ERMP1: variants seen among roughly 807,000 people sequenced by gnomAD.
ERMP1 encodes the protein endoplasmic reticulum metallopeptidase 1, also known as Felix-ina.
ERMP1 carries 86 observed loss-of-function variants against 92.0 expected under a neutral mutation model. That is an observed-to-expected ratio of 0.93 (90% CI 0.79 to 1.12). ERMP1 has a LOEUF of 1.12. ERMP1 is among the 50% of genes most tolerant of loss of function. The pLI, the probability that ERMP1 is intolerant of heterozygous loss-of-function variation, is 0.00. For synonymous variants in ERMP1, 530 were observed against 412.8 expected (o/e 1.28, Z -3.44); for missense variants, 1,342 against 1,116.3 (o/e 1.20, Z -2.88).
In ERMP1 at chr9:5,787,587, C is replaced by G; in HGVS notation, c.2393G>C (p.Ser798Thr). Residue 798 changes from serine (S) to threonine (T), a missense_variant, in exon 14 of 15, where the codon AGC becomes ACC. By Grantham distance (58) the Ser-to-Thr change is moderately conservative (BLOSUM62 1). Transcript: ENST00000339450. ...GGCTCGAACATAGAAGGACATATGG[C>G]TTGGTCCTGTAAGGTAAAAGGAAGA... is the stretch of plus-strand genomic sequence containing the variant. ...IKLTFEATGP[S>T]HMSFYVRAHK... The G allele has an allele frequency of 6.2e-7, 1 of 1,610,388 alleles. No individual in the cohort carries two copies. The highest frequency in any genetic ancestry group is 1.7e-4 in the Middle Eastern group (1 of 6,004).
chr9:5,800,722 C>G (rs1828637688), intron 11 of ERMP1, among the ~76,000 whole-genome samples: 1 of 152,004 alleles, frequency 6.6e-6, no homozygotes, highest in Non-Finnish European at 1.5e-5. Flanking sequence ...TTTATTAAAC[C>G]CTTTCTAAGT....
At chr9:5,862,635 CT>C (rs1191172673) in intron 5 of ERMP1, among the ~76,000 whole-genome samples, 3 of 152,216 alleles carry the variant, frequency 2.0e-5, no homozygotes, top group Non-Finnish European at 4.4e-5. Flanking sequence ...GCATGAGCCA[CT>C]GTGTCAGGCT....
chr9:5,850,375 A>T (rs58029167), intron 6 of ERMP1, among the ~76,000 whole-genome samples: 1 of 129,088 alleles, frequency 7.7e-6, no homozygotes, highest in African/African-American at 3.0e-5. Context: ...ATTGCACTCC[A>T]GCCTGGGCGA....
chr9:5,821,312 T>C (rs1396918079), intron 4 of ERMP1, among the ~76,000 whole-genome samples: 4 of 152,220 alleles, frequency 2.6e-5, no homozygotes, highest in Admixed American at 2.6e-4. Context: ...TTTAACCTAG[T>C]CCTCCATTCC....
chr9:5,860,771 AC>A (rs921173688), intron 5 of ERMP1, among the ~76,000 whole-genome samples: 7 of 151,630 alleles, frequency 4.6e-5, no homozygotes, highest in Admixed American at 3.3e-4. Context: ...AACTGTAGAG[AC>A]AGTCTCCCTG....
rs77278182 is a variant in ERMP1, at chr9:5,811,814, G to A, written c.1114+311C>T. ...TGTCACACATGTGTTAAAAATTGAGGAGAGCTAGCAGAGTTCCACAGGAAA... is the reference window on the plus strand; with the variant it reads ...TGTCACACATGTGTTAAAAATTGAGAAGAGCTAGCAGAGTTCCACAGGAAA... On this transcript the variant is annotated intron_variant, in intron 6 of 14. Coordinates refer to ENST00000339450, the MANE Select transcript of ERMP1 (RefSeq NM_024896.3). Among the ~76,000 whole-genome samples the A allele has an allele frequency of 6.9e-3, 1,047 of 152,322 alleles. 18 individuals are homozygous for A. The highest frequency in any genetic ancestry group is 0.024 in the African/African-American group (1,011 of 41,558).
intron 10 of ERMP1, among the ~76,000 whole-genome samples, chr9:5,802,572 G>C (rs1828712611): frequency 6.6e-6 from 1 of 152,122 alleles, no homozygotes; most frequent in African/African-American, 2.4e-5. Context: ...TTTTAGTACA[G>C]ACAGGGTTTC....
In ERMP1 at chr9:5,797,818, T is replaced by C; in HGVS notation, c.2385A>G (p.Thr795=). 6.4e-7 allele frequency: 1 copy of C among 1,571,206 alleles called. No homozygotes were observed. The highest frequency in any genetic ancestry group is 8.7e-7 in the Non-Finnish European group (1 of 1,148,074). ...WDSIKLTFEA[T]GPSHMSFYVR... Reference sequence around the variant, plus strand: ...AGAAAAAACTATTATATGACTTACCTGTTGCTTCAAAAGTCAATTTTATAG... The same window carrying C: ...AGAAAAAACTATTATATGACTTACCCGTTGCTTCAAAAGTCAATTTTATAG... Residue 795 remains threonine (T), a splice_region_variant and synonymous_variant, in exon 13 of 15, where the codon ACA becomes ACG. Coordinates refer to ENST00000339450, the MANE Select transcript of ERMP1 (RefSeq NM_024896.3).
At chr9:5,841,826 G>C (rs949256428) in intron 6 of ERMP1, among the ~76,000 whole-genome samples, 1 of 152,134 alleles carries the variant, frequency 6.6e-6, no homozygotes, top group African/African-American at 2.4e-5. Context: ...GTGGACCCTC[G>C]CGGTGAGTGT....
intron 13 of ERMP1, among the ~76,000 whole-genome samples, chr9:5,795,822 CAAACAAAAACAA>C (rs776712618): frequency 2.1e-4 from 32 of 151,820 alleles, no homozygotes; most frequent in East Asian, 3.9e-4. Flanking sequence ...AAGAATAAAC[CAAACAAAAACAA>C]AAACAAAAAC....
rs761846972 is a variant in ERMP1, at chr9:5,812,826, G to A, written c.1021+63C>T. On this transcript the variant is annotated intron_variant, in intron 5 of 14. Transcript: ENST00000339450. ...ATGCTGTTTACTCACATACTTTCAAGATTTAAAATTTGCTTTTGATAAATA... is the reference window on the plus strand; with the variant it reads ...ATGCTGTTTACTCACATACTTTCAAAATTTAAAATTTGCTTTTGATAAATA... 3 of 1,572,330 alleles carry A rather than the reference G, an allele frequency of 1.9e-6. No individual in the cohort carries two copies. The African/African-American group carries it at 4.1e-5, about 21-fold the overall frequency.
Position 5,825,208 on chromosome 9 carries a change from C to T in ERMP1, c.652G>A (p.Asp218Asn). 6.2e-7 allele frequency: 1 copy of T among 1,611,200 alleles called. No individual in the cohort carries two copies. The highest frequency in any genetic ancestry group is 8.5e-7 in the Non-Finnish European group (1 of 1,179,304). The change falls in exon 3 of 15, where the codon GAT (aspartate) becomes AAT (asparagine). Residue 218 changes from aspartate to asparagine, a missense_variant. Coordinates refer to ENST00000339450, the MANE Select transcript of ERMP1 (RefSeq NM_024896.3). ...SVANSPGASD[D>N]AVSCSVMLEV... is the part of the protein sequence containing the mutation. ...AGCATCACTGAGCAGCTAACTGCAT[C>T]ATCACTGGCACCTTCAAATCAGAAA...
At chr9:5,791,408 T>G in intron 13 of ERMP1, 3 of 429,692 alleles carry the variant, frequency 7.0e-6, no homozygotes, top group Non-Finnish European at 1.4e-5. Flanking sequence ...TCACTTGCAT[T>G]ATGGAGGGCA....
At position 5,786,918 on chromosome 9, in the gene ERMP1, G is replaced by GA; in HGVS notation, c.*225dup. The GA allele has an allele frequency of 2.4e-6, 1 of 412,244 alleles. No individual in the cohort carries two copies. Among genetic ancestry groups the GA allele is most frequent in the Non-Finnish European group, 4.4e-6 (1 of 229,140 alleles). 25.5% of individuals were successfully genotyped at this position (412,244 alleles called of 1,614,324 possible). A position where few individuals can be genotyped will look rare whatever the true frequency, so the allele number is the denominator to read the frequency against. On this transcript the variant is annotated 3_prime_UTR_variant, in exon 15 of 15. Coordinates refer to ENST00000339450, the MANE Select transcript of ERMP1 (RefSeq NM_024896.3). Reference sequence around the variant, plus strand: ...TGTAGTGGCAGTACCCACATGTGCTGAAGTGCCAAAAGACTGGCATTTTCA... The same window carrying GA: ...TGTAGTGGCAGTACCCACATGTGCTGAAAGTGCCAAAAGACTGGCATTTTCA...
intron 6 of ERMP1, among the ~76,000 whole-genome samples, chr9:5,855,238 T>A (rs1382650353): frequency 6.6e-6 from 1 of 152,024 alleles, no homozygotes; most frequent in Admixed American, 6.5e-5. Context: ...AAGGAGAGAC[T>A]CTATGGAGTA....
chr9:5,865,462 C>G (rs1166642797), intron 5 of ERMP1, among the ~76,000 whole-genome samples: 2 of 150,710 alleles, frequency 1.3e-5, no homozygotes, highest in African/African-American at 4.9e-5. Context: ...GAGCCGAGAT[C>G]GCGCCACTGT....
upstream of ERMP1, among the ~76,000 whole-genome samples, chr9:5,835,150 G>A (rs935574299): frequency 6.6e-5 from 10 of 152,140 alleles, no homozygotes; most frequent in Non-Finnish European, 1.5e-4. Context: ...CTAGGTGGTA[G>A]GAGTTAAGTT....
At chr9:5,801,821 G>C (rs1476356612) in intron 10 of ERMP1, among the ~76,000 whole-genome samples, 1 of 152,162 alleles carries the variant, frequency 6.6e-6, no homozygotes, top group Non-Finnish European at 1.5e-5. Context: ...ACCTGCATAA[G>C]AGGAAAAACT....
chr9:5,863,928 T>C (rs114396184), intron 5 of ERMP1, among the ~76,000 whole-genome samples: 22 of 152,360 alleles, frequency 1.4e-4, no homozygotes, highest in African/African-American at 5.3e-4. Flanking sequence ...GTAGTATAGA[T>C]CTACTGTACT....
Sources: allele counts gnomAD v4.1 joint callset (sites outside exome capture counted in the v4.1 genomes callset), GRCh38; gene constraint gnomAD v4.1.1; transcripts MANE v1.5; gene names NCBI Gene and HGNC (gene_info 2026-07-23, HGNC 2026-07-21).